THRB: variants seen among roughly 807,000 people sequenced by gnomAD.
The protein encoded by THRB is nuclear receptor subfamily 1 group A member 2.
A neutral mutation model predicts 47.8 loss-of-function variants in THRB; 12 were observed. The ratio of observed to expected loss-of-function variants is 0.25; its 90% CI spans 0.16 to 0.41. The LOEUF (loss-of-function observed/expected upper bound fraction) is 0.41. Ranked by LOEUF, THRB falls within the 10% of genes least tolerant of loss-of-function variation. The probability of loss-of-function intolerance (pLI) is 1.00; values close to 1 mark genes in which losing one functional copy is unlikely to be tolerated. For missense variants in THRB, 348 were observed against 589.2 expected (o/e 0.59, Z 4.24); for synonymous variants, 218 against 212.2 (o/e 1.03, Z -0.24).
At chr3:24,168,237 T>G (rs1291948936) in intron 5 of THRB, among the ~76,000 whole-genome samples, 1 of 152,098 alleles carries the variant, frequency 6.6e-6, no homozygotes, top group African/African-American at 2.4e-5. Flanking sequence ...CCTCACATCC[T>G]GATAGAAGCA....
rs552561706 is a variant in THRB, at chr3:24,193,952, G to A, written c.23-3618C>T. ...TGGAATACTACTCAGACATAAAAAA[G>A]AATGAAATAATGACATTCATAGCAA... On this transcript the variant is annotated intron_variant, in intron 4 of 10. Transcript: ENST00000646209. 2.6e-5 allele frequency among the ~76,000 whole-genome samples: 4 copies of A among 152,258 alleles called. No homozygotes were observed. In the East Asian group the frequency reaches 7.7e-4, roughly 29 times the overall value.
intron 5 of THRB, among the ~76,000 whole-genome samples, chr3:24,185,197 G>C (rs6786367): frequency 0.45 from 68,749 of 152,022 alleles, 17,217 homozygotes; most frequent in African/African-American, 0.69. Context: ...CATCTATAAA[G>C]AAGAATAATC....
chr3:24,322,224 C>T (rs929069918), intron 2 of THRB, among the ~76,000 whole-genome samples: 1 of 152,152 alleles, frequency 6.6e-6, no homozygotes, highest in Admixed American at 6.6e-5. Context: ...CAGGTATACA[C>T]TTCACTTTGT....
chr3:24,414,061 TATA>T (rs2068548996), intron 1 of THRB, among the ~76,000 whole-genome samples: 1 of 151,890 alleles, frequency 6.6e-6, no homozygotes. Context: ...CAAATAGATA[TATA>T]GAGAGTAGCA....
intron 4 of THRB, among the ~76,000 whole-genome samples, chr3:24,199,334 C>A (rs1017367996): frequency 6.6e-6 from 1 of 152,172 alleles, no homozygotes; most frequent in Admixed American, 6.5e-5. Context: ...TGTTCAAGTA[C>A]GCTGCCTTTC....
chr3:24,190,007 A>G (rs1559551414), intron 5 of THRB, 67 bp downstream of exon 5: 9 of 1,485,458 alleles, frequency 6.1e-6, no homozygotes, highest in Non-Finnish European at 8.5e-6. Context: ...TGAAGTACAC[A>G]GCTACAACAG....
chr3:24,291,901 T>C (rs1289908653), intron 3 of THRB, among the ~76,000 whole-genome samples: 1 of 152,154 alleles, frequency 6.6e-6, no homozygotes, highest in Admixed American at 6.5e-5. Flanking sequence ...GTCATTTATG[T>C]AAATATATAT....
chr3:24,168,351 T>C (rs964457697), intron 5 of THRB, among the ~76,000 whole-genome samples: 8 of 152,048 alleles, frequency 5.3e-5, no homozygotes, highest in African/African-American at 1.9e-4. Flanking sequence ...TTCAGTGAGG[T>C]TGTTGTCTTA....
intron 6 of THRB, among the ~76,000 whole-genome samples, chr3:24,149,642 T>C (rs539779143): frequency 6.6e-6 from 1 of 152,338 alleles, no homozygotes; most frequent in Non-Finnish European, 1.5e-5. Flanking sequence ...ACCAAATCCT[T>C]TTAAAGATGT....
chr3:24,312,119 C>T (rs1039443122), intron 2 of THRB, among the ~76,000 whole-genome samples: 1 of 152,206 alleles, frequency 6.6e-6, no homozygotes. Flanking sequence ...GCCTTCTGCC[C>T]TACTTCCCAC....
chr3:24,410,560 G>A (rs4640503), intron 1 of THRB, among the ~76,000 whole-genome samples: 149,980 of 151,846 alleles, frequency 0.99, 74,107 homozygotes, highest in Non-Finnish European at 1. Context: ...GTAAAATTCA[G>A]TCTCCATTTC....
chr3:24,207,482 G>C (rs1012017254), intron 4 of THRB, among the ~76,000 whole-genome samples: 12 of 152,162 alleles, frequency 7.9e-5, no homozygotes, highest in Non-Finnish European at 2.9e-5. Context: ...ATTAGGTACT[G>C]ATGGGACATA....
Position 24,123,133 on chromosome 3 carries a change from G to T in THRB, c.1145-8C>A. On this transcript the variant is annotated splice_region_variant and splice_polypyrimidine_tract_variant and intron_variant, in intron 10 of 10. Coordinates refer to ENST00000646209, the MANE Select transcript of THRB (RefSeq NM_001354712.2). ...AGGCAAGCCCCGGGCGATCTGCGGG[G>T]AAGAGAGAAGATGGACATTGATTCA... 6.2e-7 allele frequency: 1 copy of T among 1,614,050 alleles called. No homozygotes were observed. Among genetic ancestry groups the T allele is most frequent in the East Asian group, 2.2e-5 (1 of 44,890 alleles).
intron 1 of THRB, among the ~76,000 whole-genome samples, chr3:24,357,346 C>CAAAAAA (rs781709724): frequency 0.014 from 400 of 28,820 alleles, 7 homozygotes; most frequent in Middle Eastern, 0.042. Flanking sequence ...TTGTCTCTCC[C>CAAAAAA]AAAAAAAAAA....
intron 7 of THRB, among the ~76,000 whole-genome samples, 195 bp downstream of exon 7, chr3:24,146,480 C>G (rs1284128481): frequency 2.0e-5 from 3 of 152,106 alleles, no homozygotes; most frequent in Admixed American, 1.3e-4. Context: ...AGGATGGAAC[C>G]CACCCAGCAA....
intron 3 of THRB, among the ~76,000 whole-genome samples, chr3:24,270,618 GAAAA>G (rs2053227443): frequency 6.6e-6 from 1 of 152,202 alleles, no homozygotes; most frequent in Non-Finnish European, 1.5e-5. Flanking sequence ...CAAGGGTCTT[GAAAA>G]GACAGCTAAC....
At position 24,122,083 on chromosome 3, in the gene THRB, G is replaced by A. The variant is rs1326996175; in HGVS notation, c.*801C>T. The stretch of plus-strand genomic sequence containing the variant: ...TTTGATTTCTGTAAAAGTGTTCTCT[G>A]AGCCTAAATGGGAAAGAAGCCTTCC... On this transcript the variant is annotated 3_prime_UTR_variant, in exon 11 of 11. Coordinates refer to ENST00000646209, the MANE Select transcript of THRB (RefSeq NM_001354712.2). 3.9e-5 allele frequency: 6 copies of A among 152,784 alleles called. No homozygotes were observed. Among genetic ancestry groups the A allele is most frequent in the African/African-American group, 1.4e-4 (6 of 41,562 alleles). 9.5% of individuals were successfully genotyped at this position (152,784 alleles called of 1,614,324 possible). A position where few individuals can be genotyped will look rare whatever the true frequency, so the allele number is the denominator to read the frequency against.
intron 1 of THRB, among the ~76,000 whole-genome samples, chr3:24,474,302 A>G (rs1213968515): frequency 6.6e-6 from 1 of 152,220 alleles, no homozygotes. Context: ...GCCAAAGGCA[A>G]TTCAATAGGA....
chr3:24,123,269 G>A, intron 10 of THRB, 144 bp from the exon 11 acceptor site: 1 of 1,164,840 alleles, frequency 8.6e-7, no homozygotes, highest in South Asian at 1.3e-5. Flanking sequence ...GTGAACTCTG[G>A]TGCTCCAGGG....
Sources: allele counts gnomAD v4.1 joint callset (sites outside exome capture counted in the v4.1 genomes callset), GRCh38; gene constraint gnomAD v4.1.1; transcripts MANE v1.5; gene names NCBI Gene and HGNC (gene_info 2026-07-23, HGNC 2026-07-21).